The following RIGI variants were observed in gnomAD, a reference collection of about 807,000 sequenced individuals.
The protein encoded by RIGI is antiviral innate immune response receptor RIG-I.
the RIGI span, chr9:32,477,275 C>A: frequency 3.3e-6 from 3 of 900,446 alleles, no homozygotes; most frequent in African/African-American, 1.7e-5. Context: ...TAAATTGGTA[C>A]AACCTTTTAA....
chr9:32,500,824 C>A, the RIGI span: 1 of 1,614,032 alleles, frequency 6.2e-7, no homozygotes, highest in Non-Finnish European at 8.5e-7. Context: ...CTAGGGCATC[C>A]AAAAAGCCAC....
At chr9:32,456,329 T>C in the RIGI span, 1 of 152,150 alleles carries the variant, frequency 6.6e-6, no homozygotes, top group Non-Finnish European at 1.5e-5. Context: ...GTAGAGTGGA[T>C]ACACATTGCT....
the RIGI span, among the ~76,000 whole-genome samples, chr9:32,469,004 G>A: frequency 8.3e-4 from 127 of 152,284 alleles, 1 homozygote; most frequent in East Asian, 0.021. Context: ...TTCCAAACCA[G>A]ACCCCTAAAA....
the RIGI span, among the ~76,000 whole-genome samples, chr9:32,502,229 A>T: frequency 6.6e-6 from 1 of 152,192 alleles, no homozygotes; most frequent in African/African-American, 2.4e-5. Flanking sequence ...CACTGTATGG[A>T]TACACCACAT....
the RIGI span, chr9:32,488,285 A>C: frequency 7.0e-7 from 1 of 1,435,726 alleles, no homozygotes; most frequent in African/African-American, 1.4e-5. Flanking sequence ...TCAGAACATC[A>C]ACTGATTAAA....
chr9:32,471,923 G>A, the RIGI span, among the ~76,000 whole-genome samples: 2 of 152,062 alleles, frequency 1.3e-5, no homozygotes, highest in Admixed American at 1.3e-4. Flanking sequence ...GGGAAAGTGC[G>A]AGGGTGATAA....
At chr9:32,519,534 ACATT>A in the RIGI span, among the ~76,000 whole-genome samples, 1 of 152,232 alleles carries the variant, frequency 6.6e-6, no homozygotes, top group Admixed American at 6.5e-5. Context: ...CAGAAATAGT[ACATT>A]ATTATTGGTT....
chr9:32,515,090 G>T, the RIGI span, among the ~76,000 whole-genome samples: 1 of 152,094 alleles, frequency 6.6e-6, no homozygotes, highest in Non-Finnish European at 1.5e-5. Context: ...TGTTGATTCC[G>T]TTAGAGGAAA....
the RIGI span, among the ~76,000 whole-genome samples, chr9:32,461,044 GAA>G: frequency 0.61 from 88,852 of 145,432 alleles, 27,249 homozygotes; most frequent in East Asian, 0.88. Context: ...AAAGCAGCCA[GAA>G]AAAAAAAAAA....
At chr9:32,458,502 T>TA in the RIGI span, among the ~76,000 whole-genome samples, 1 of 152,230 alleles carries the variant, frequency 6.6e-6, no homozygotes, top group Non-Finnish European at 1.5e-5. Flanking sequence ...ACAATGAATG[T>TA]ATTTGCTGCT....
At chr9:32,520,595 G>A in the RIGI span, among the ~76,000 whole-genome samples, 3 of 152,014 alleles carry the variant, frequency 2.0e-5, no homozygotes, top group African/African-American at 4.8e-5. Flanking sequence ...ATCCCTCTAC[G>A]CCCAGGAACT....
the RIGI span, among the ~76,000 whole-genome samples, chr9:32,472,644 C>A: frequency 6.6e-6 from 1 of 152,148 alleles, no homozygotes; most frequent in Non-Finnish European, 1.5e-5. Context: ...CCAGTCTGTT[C>A]CTGATAGTCT....
At chr9:32,503,387 G>A in the RIGI span, among the ~76,000 whole-genome samples, 1 of 152,122 alleles carries the variant, frequency 6.6e-6, no homozygotes, top group Non-Finnish European at 1.5e-5. Flanking sequence ...CAACAATGCA[G>A]ACAAAACTTC....
At chr9:32,477,090 T>C in the RIGI span, 4 of 1,613,996 alleles carry the variant, frequency 2.5e-6, no homozygotes, top group African/African-American at 4.0e-5. Context: ...GGATTCTCAT[T>C]GCTGGGATCC....
At chr9:32,508,239 ATT>A in the RIGI span, among the ~76,000 whole-genome samples, 3 of 70,336 alleles carry the variant, frequency 4.3e-5, no homozygotes, top group South Asian at 6.6e-4. Context: ...TATTTACTTA[ATT>A]TTTTTTTTTT....
chr9:32,463,221 TAAAG>T, the RIGI span, among the ~76,000 whole-genome samples: 2 of 152,218 alleles, frequency 1.3e-5, no homozygotes, highest in Non-Finnish European at 2.9e-5. Context: ...TTTGTAAAAA[TAAAG>T]GGTGTCCAGG....
At chr9:32,471,764 T>C in the RIGI span, among the ~76,000 whole-genome samples, 1 of 152,180 alleles carries the variant, frequency 6.6e-6, no homozygotes, top group Non-Finnish European at 1.5e-5. Context: ...CAACAAAGTT[T>C]GAAAATCAAG....
the RIGI span, chr9:32,466,521 G>A: frequency 3.2e-5 from 42 of 1,298,276 alleles, no homozygotes; most frequent in Non-Finnish European, 4.2e-5. Context: ...ACAAATAGAG[G>A]TACTCCTAAA....
At chr9:32,488,867 A>C in the RIGI span, 3 of 1,607,152 alleles carry the variant, frequency 1.9e-6, no homozygotes, top group African/African-American at 2.7e-5. Context: ...ATAAGCAGTG[A>C]AACAAAGGTT....
Sources: allele counts gnomAD v4.1 joint callset (sites outside exome capture counted in the v4.1 genomes callset), GRCh38; gene constraint gnomAD v4.1.1; transcripts MANE v1.5; gene names NCBI Gene and HGNC (gene_info 2026-07-23, HGNC 2026-07-21).